The following FOXK2 variants were observed in gnomAD, a reference collection of about 807,000 sequenced individuals.
FOXK2 encodes forkhead box protein K2.
In FOXK2, 24 loss-of-function variants were observed where a neutral mutation model predicts 53.3. That is an observed-to-expected ratio of 0.45 (90% CI 0.33 to 0.63). The LOEUF is 0.63. FOXK2 is among the 30% of genes least tolerant of loss of function. FOXK2 has a pLI of 0.03. For synonymous variants in FOXK2, 505 were observed against 407.1 expected (o/e 1.24, Z -2.89); for missense variants, 952 against 910.5 (o/e 1.05, Z -0.59).
At chr17:82,583,584 C>T (rs1051822704) in intron 5 of FOXK2, among the ~76,000 whole-genome samples, 1 of 152,162 alleles carries the variant, frequency 6.6e-6, no homozygotes. Flanking sequence ...TGCTTAAGTT[C>T]GAGTTGACTT....
At chr17:82,566,105 C>T (rs1033594119) in intron 2 of FOXK2, among the ~76,000 whole-genome samples, 2 of 152,032 alleles carry the variant, frequency 1.3e-5, no homozygotes, top group South Asian at 4.2e-4. Context: ...GGGGACAGAG[C>T]TTCAGTTTGG....
intron 1 of FOXK2, among the ~76,000 whole-genome samples, chr17:82,563,015 C>T (rs1451593589): frequency 1.3e-5 from 2 of 152,072 alleles, no homozygotes; most frequent in Non-Finnish European, 2.9e-5. Context: ...CTGTGTTGCC[C>T]AGGCTGGTCT....
intron 1 of FOXK2, among the ~76,000 whole-genome samples, chr17:82,554,882 A>G (rs1335123280): frequency 2.6e-5 from 4 of 151,866 alleles, no homozygotes; most frequent in South Asian, 2.1e-4. Context: ...AGTAGCTGGG[A>G]TTACAGGTGT....
At position 82,520,178 on chromosome 17, in the gene FOXK2, A is replaced by G; in HGVS notation, c.290A>G (p.Glu97Gly). Residue 97 changes from glutamate to glycine, a missense_variant, in exon 1 of 9, where the codon GAG becomes GGG. This residue lies in a region of FOXK2 where 163 missense variants were observed against 165.5 expected (regional missense o/e 0.98). Coordinates refer to ENST00000335255, the MANE Select transcript of FOXK2 (RefSeq NM_004514.4). ...GGCGGCCATGGCGGGGCCGCTCCGGAGCTGCCGCCCGCGCAGCCCAGGCCC... is the reference window on the plus strand; with the variant it reads ...GGCGGCCATGGCGGGGCCGCTCCGGGGCTGCCGCCCGCGCAGCCCAGGCCC... ...GGGGHGGAAP[E>G]LPPAQPRPDA... 6.8e-7 allele frequency: 1 copy of G among 1,462,194 alleles called. No homozygotes were observed. Among genetic ancestry groups the G allele is most frequent in the Non-Finnish European group, 9.0e-7 (1 of 1,105,880 alleles). 90.6% of individuals were successfully genotyped at this position (1,462,194 alleles called of 1,614,324 possible). A position where few individuals can be genotyped will look rare whatever the true frequency, so the allele number is the denominator to read the frequency against.
At chr17:82,570,033 T>C (rs111510017) in intron 3 of FOXK2, among the ~76,000 whole-genome samples, 19,854 of 150,624 alleles carry the variant, frequency 0.13, 1,635 homozygotes, top group East Asian at 0.25. Flanking sequence ...CCATCCTGGC[T>C]AACACGGTGA....
chr17:82,527,100 A>G (rs894851543), intron 1 of FOXK2, among the ~76,000 whole-genome samples: 1 of 152,170 alleles, frequency 6.6e-6, no homozygotes, highest in African/African-American at 2.4e-5. Flanking sequence ...CCTGGGACAC[A>G]GGAGTTGGCA....
intron 1 of FOXK2, among the ~76,000 whole-genome samples, chr17:82,522,326 C>T (rs562936879): frequency 2.0e-5 from 3 of 151,518 alleles, no homozygotes; most frequent in Admixed American, 6.6e-5. Context: ...ATGATCTCAC[C>T]ACTCCTCCCA....
At chr17:82,531,929 C>T (rs1319918020) in intron 1 of FOXK2, among the ~76,000 whole-genome samples, 1 of 152,164 alleles carries the variant, frequency 6.6e-6, no homozygotes, top group African/African-American at 2.4e-5. Context: ...CAACGTCTGC[C>T]TCCCAGGTTC....
At chr17:82,598,170 T>A (rs1052007295) in intron 8 of FOXK2, among the ~76,000 whole-genome samples, 1 of 152,258 alleles carries the variant, frequency 6.6e-6, no homozygotes, top group African/African-American at 2.4e-5. Context: ...ACACTAAACT[T>A]ATTCCTTCTG....
chr17:82,525,536 G>GT (rs933492147), intron 1 of FOXK2, among the ~76,000 whole-genome samples: 1 of 152,094 alleles, frequency 6.6e-6, no homozygotes, highest in Non-Finnish European at 1.5e-5. Flanking sequence ...TTAGTAAAGT[G>GT]TTTTTTAGGA....
At chr17:82,533,326 T>TAA (rs2044490013) in intron 1 of FOXK2, among the ~76,000 whole-genome samples, 1 of 151,948 alleles carries the variant, frequency 6.6e-6, no homozygotes, top group Admixed American at 6.6e-5. Flanking sequence ...CTGTCTCTAC[T>TAA]AAAAATGCAA....
chr17:82,544,105 G>T (rs1055282427), intron 1 of FOXK2, among the ~76,000 whole-genome samples: 1 of 151,940 alleles, frequency 6.6e-6, no homozygotes, highest in Admixed American at 6.6e-5. Flanking sequence ...TAGACATGAG[G>T]TCTCACTATG....
At chr17:82,550,317 G>T (rs555836952) in intron 1 of FOXK2, among the ~76,000 whole-genome samples, 1 of 152,130 alleles carries the variant, frequency 6.6e-6, no homozygotes, top group Non-Finnish European at 1.5e-5. Flanking sequence ...CTGAAGCAAG[G>T]CACCCCTGTT....
At chr17:82,551,133 C>T (rs1490059199) in intron 1 of FOXK2, among the ~76,000 whole-genome samples, 8 of 151,368 alleles carry the variant, frequency 5.3e-5, no homozygotes, top group Non-Finnish European at 1.2e-4. Flanking sequence ...CTGGCTAACA[C>T]GGTGAAACCC....
chr17:82,528,674 C>T (rs968915534), intron 1 of FOXK2, among the ~76,000 whole-genome samples: 1 of 152,186 alleles, frequency 6.6e-6, no homozygotes, highest in South Asian at 2.1e-4. Flanking sequence ...GAAAGTACCT[C>T]GTGCCAGAGC....
Position 82,586,549 on chromosome 17 carries a change from G to A in FOXK2, c.1576+349G>A, listed in dbSNP as rs887502277. ...GACCACAGGGAGGTCAAAGGTAGGC[G>A]GAGGGGAAAGGAGGAGAGGCTGCCC... On this transcript the variant is annotated intron_variant, in intron 7 of 8. Transcript: ENST00000335255. Among the ~76,000 whole-genome samples, 75 of 76,632 alleles carry A rather than the reference G, an allele frequency of 9.8e-4. 18 individuals carry two copies. The highest frequency in any genetic ancestry group is 2.4e-3 in the African/African-American group (29 of 11,882). The allele number at this position is 76,632 out of a possible 152,430, so 50.3% of individuals were successfully genotyped here.
intron 4 of FOXK2, among the ~76,000 whole-genome samples, chr17:82,573,159 C>T (rs985968377): frequency 6.6e-6 from 1 of 152,048 alleles, no homozygotes; most frequent in Non-Finnish European, 1.5e-5. Context: ...CACCACTGCA[C>T]TCCAGCCTGG....
At chr17:82,583,288 T>C (rs1364224247) in intron 5 of FOXK2, among the ~76,000 whole-genome samples, 1 of 152,248 alleles carries the variant, frequency 6.6e-6, no homozygotes, top group Non-Finnish European at 1.5e-5. Flanking sequence ...CTCACGCCTG[T>C]AATCCCAGCA....
intron 4 of FOXK2, among the ~76,000 whole-genome samples, chr17:82,575,456 A>C (rs145595977): frequency 6.6e-6 from 1 of 152,206 alleles, no homozygotes; most frequent in Admixed American, 6.5e-5. Context: ...TAAAAAGCAC[A>C]CGGCATATAG....
Sources: gnomAD v4.1 joint callset for allele counts (sites outside exome capture counted in the v4.1 genomes callset) on GRCh38, gnomAD v4.1.1 for gene constraint, gnomAD v4.1.1 regional missense constraint, MANE v1.5 for transcripts, NCBI Gene and HGNC (gene_info 2026-07-23, HGNC 2026-07-21) for gene names.